The following SLC25A13 variants were observed in gnomAD, a reference collection of about 807,000 sequenced individuals.
SLC25A13 encodes the protein solute carrier family 25 member 13.
In SLC25A13, 70 loss-of-function variants were observed where a neutral mutation model predicts 85.5. The ratio of observed to expected loss-of-function variants is 0.82; its 90% CI spans 0.68 to 1.00. SLC25A13 has a LOEUF of 1.00. Among genes scored for constraint, SLC25A13 ranks in the 50% least tolerant of loss-of-function variants. SLC25A13 has a pLI of 0.00. For missense variants in SLC25A13, 765 were observed against 819.8 expected (o/e 0.93, Z 0.82); for synonymous variants, 259 against 288.7 (o/e 0.90, Z 1.04).
intron 15 of SLC25A13, among the ~76,000 whole-genome samples, chr7:96,129,337 C>G (rs192316050): frequency 1.2e-3 from 178 of 152,224 alleles, no homozygotes; most frequent in Admixed American, 2.4e-3. Flanking sequence ...AACAGGATGG[C>G]AAGAGGGCTG....
chr7:96,314,443 C>A (rs1300569383), intron 1 of SLC25A13, among the ~76,000 whole-genome samples: 3 of 152,106 alleles, frequency 2.0e-5, no homozygotes, highest in Non-Finnish European at 4.4e-5. Flanking sequence ...CTGTTAAATA[C>A]TTTGCTAAAG....
intron 2 of SLC25A13, among the ~76,000 whole-genome samples, chr7:96,281,487 G>A (rs141940067): frequency 2.2e-4 from 33 of 151,930 alleles, no homozygotes; most frequent in African/African-American, 6.8e-4. Flanking sequence ...AAAACCTAGC[G>A]TATAATTCCA....
At chr7:96,148,571 T>C (rs1350350733) in intron 13 of SLC25A13, among the ~76,000 whole-genome samples, 3 of 152,216 alleles carry the variant, frequency 2.0e-5, no homozygotes, top group East Asian at 1.9e-4. Context: ...GAAAATCTTA[T>C]GAATAGTTAG....
rs1466331462 is a variant in SLC25A13 at position 96,120,690 on chromosome 7, T to G, written c.*501A>C. On this transcript the variant is annotated 3_prime_UTR_variant, in exon 18 of 18. Coordinates refer to ENST00000265631, the MANE Select transcript of SLC25A13 (RefSeq NM_014251.3). ...TTCATAATATAATCCAGAGACAGAA[T>G]TTGTGCATGCTTACAATTTGAAGCC... is the stretch of plus-strand genomic sequence containing the variant. 2.2e-6 allele frequency: 1 copy of G among 454,520 alleles called. No homozygotes were observed. Among genetic ancestry groups the G allele is most frequent in the Non-Finnish European group, 4.4e-6 (1 of 226,814 alleles). 28.2% of individuals were successfully genotyped at this position (454,520 alleles called of 1,614,324 possible).
intron 9 of SLC25A13, among the ~76,000 whole-genome samples, chr7:96,186,071 A>G (rs940839504): frequency 3.3e-5 from 5 of 152,134 alleles, no homozygotes; most frequent in Non-Finnish European, 7.3e-5. Context: ...TTGCCATTAA[A>G]GCAAGCATAA....
chr7:96,276,085 A>C (rs527616835), intron 3 of SLC25A13, among the ~76,000 whole-genome samples: 2 of 152,370 alleles, frequency 1.3e-5, no homozygotes, highest in East Asian at 3.9e-4. Context: ...AGGTAACTGC[A>C]ATCTGTCAAA....
chr7:96,284,135 T>C (rs964979753), intron 2 of SLC25A13, among the ~76,000 whole-genome samples: 10 of 151,972 alleles, frequency 6.6e-5, no homozygotes, highest in Middle Eastern at 3.4e-3. Flanking sequence ...CACTGAATTA[T>C]AGGAAAAAGT....
At chr7:96,302,534 A>C (rs750619078) in intron 1 of SLC25A13, among the ~76,000 whole-genome samples, 1 of 152,194 alleles carries the variant, frequency 6.6e-6, no homozygotes, top group Non-Finnish European at 1.5e-5. Context: ...GAAAAATAAA[A>C]TGCAAAGAAA....
rs758761551 is a variant in SLC25A13, at chr7:96,120,713, G to T, written c.*478C>A. The stretch of plus-strand genomic sequence containing the variant: ...AATTTGTGCATGCTTACAATTTGAA[G>T]CCAGGCTGAATATATTTGATATATA... On this transcript the variant is annotated 3_prime_UTR_variant, in exon 18 of 18. Transcript: ENST00000265631. 1.2e-4 allele frequency: 56 copies of T among 454,352 alleles called. No individual in the cohort carries two copies. Among genetic ancestry groups the T allele is most frequent in the South Asian group, 8.7e-4 (56 of 64,398 alleles). The allele number at this position is 454,352 out of a possible 1,614,324, so 28.1% of individuals were successfully genotyped here.
At chr7:96,262,181 AG>A (rs1797879010) in intron 3 of SLC25A13, among the ~76,000 whole-genome samples, 1 of 152,202 alleles carries the variant, frequency 6.6e-6, no homozygotes, top group African/African-American at 2.4e-5. Flanking sequence ...CAGATTCTCA[AG>A]TAGCTAGGAA....
At chr7:96,198,363 A>C (rs1795138832) in intron 5 of SLC25A13, among the ~76,000 whole-genome samples, 1 of 152,202 alleles carries the variant, frequency 6.6e-6, no homozygotes, top group African/African-American at 2.4e-5. Context: ...TGCAATATGA[A>C]ACAGTGGTTC....
rs542800362 is a variant in SLC25A13, at chr7:96,300,447, C to T, written c.16-3496G>A. On this transcript the variant is annotated intron_variant, in intron 1 of 17. Transcript: ENST00000265631. ...AGTGCTTAGCACCAAAAGGGCCACA[C>T]AGTTAAAGTGCTCAATAAATGGTAT... Among the ~76,000 whole-genome samples the T allele has an allele frequency of 4.6e-5, 7 of 152,292 alleles. No individual in the cohort carries two copies. In the South Asian group the frequency reaches 1.5e-3, roughly 32 times the overall value.
intron 11 of SLC25A13, among the ~76,000 whole-genome samples, chr7:96,183,044 C>T (rs1034165748): frequency 2.6e-5 from 4 of 152,142 alleles, no homozygotes; most frequent in African/African-American, 4.8e-5. Flanking sequence ...AAGTTGTTGC[C>T]ATCAGGGAAG....
At chr7:96,293,993 C>A (rs1365283714) in intron 2 of SLC25A13, among the ~76,000 whole-genome samples, 2 of 152,026 alleles carry the variant, frequency 1.3e-5, no homozygotes, top group Non-Finnish European at 2.9e-5. Flanking sequence ...ATGTTTATTG[C>A]GGCACTATTC....
At chr7:96,161,982 CTTGA>C (rs1377750920) in intron 13 of SLC25A13, among the ~76,000 whole-genome samples, 2 of 152,148 alleles carry the variant, frequency 1.3e-5, no homozygotes, top group African/African-American at 4.8e-5. Flanking sequence ...CATAATGTAT[CTTGA>C]TTAATTCACA....
intron 1 of SLC25A13, among the ~76,000 whole-genome samples, chr7:96,304,188 T>C (rs1725923727): frequency 6.6e-6 from 1 of 152,166 alleles, no homozygotes; most frequent in Non-Finnish European, 1.5e-5. Flanking sequence ...GTTACTGAAA[T>C]ATAAATTAGT....
At chr7:96,141,126 G>T (rs1792543856) in intron 14 of SLC25A13, among the ~76,000 whole-genome samples, 1 of 149,940 alleles carries the variant, frequency 6.7e-6, no homozygotes, top group South Asian at 2.1e-4. Flanking sequence ...GGGTTCAAGT[G>T]ATTCTCCTGC....
chr7:96,146,797 C>T, intron 13 of SLC25A13, 101 bp from the exon 14 acceptor site: 1 of 1,373,702 alleles, frequency 7.3e-7, no homozygotes, highest in Non-Finnish European at 1.0e-6. Context: ...ATTCTATCCT[C>T]AAGAGAATGT....
chr7:96,201,879 G>A (rs191279233), intron 5 of SLC25A13, among the ~76,000 whole-genome samples: 14 of 152,164 alleles, frequency 9.2e-5, no homozygotes, highest in Non-Finnish European at 1.6e-4. Context: ...AAATAGAGTC[G>A]CAAACCGTAA....
Sources: allele counts gnomAD v4.1 joint callset (sites outside exome capture counted in the v4.1 genomes callset), GRCh38; gene constraint gnomAD v4.1.1; transcripts MANE v1.5; gene names NCBI Gene and HGNC (gene_info 2026-07-23, HGNC 2026-07-21).